Variants in SCAMP4 observed in about 807,000 individuals in gnomAD.
SCAMP4 encodes the protein secretory carrier-associated membrane protein 4.
SCAMP4 carries 19 observed loss-of-function variants against 32.1 expected under a neutral mutation model. The ratio of observed to expected loss-of-function variants is 0.59; its 90% confidence interval spans 0.41 to 0.87. SCAMP4 has a LOEUF of 0.87. SCAMP4 is among the 40% of genes least tolerant of loss of function. SCAMP4 has a pLI of 0.00. For synonymous variants in SCAMP4, 152 were observed against 132.7 expected (o/e 1.15, Z -1.00); for missense variants, 302 against 309.0 (o/e 0.98, Z 0.17).
chr19:1,915,344 A>T, intron 2 of SCAMP4: 1 of 453,246 alleles, frequency 2.2e-6, no homozygotes, highest in Non-Finnish European at 4.0e-6. Flanking sequence ...TCCCTCACCC[A>T]CTCATTTACT....
chr19:1,917,427 C>T (rs2145449856), intron 2 of SCAMP4, among the ~76,000 whole-genome samples: 1 of 152,294 alleles, frequency 6.6e-6, no homozygotes, highest in East Asian at 1.9e-4. Context: ...CGTCTAGAGG[C>T]GCCCCCATCC....
intron 1 of SCAMP4, among the ~76,000 whole-genome samples, chr19:1,913,847 G>C (rs976217591): frequency 4.6e-5 from 7 of 152,208 alleles, no homozygotes; most frequent in Non-Finnish European, 7.4e-5. Context: ...AGTGTCCATT[G>C]CCTGACCATG....
rs1396672399 is a variant in SCAMP4, at chr19:1,908,427, CGAG to C, written c.-42+2992_-42+2994del. 1.3e-5 allele frequency: 6 copies of C among 462,850 alleles called. No homozygotes were observed. Among genetic ancestry groups the C allele is most frequent in the Admixed American group, 1.2e-4 (5 of 42,100 alleles). 28.7% of individuals were successfully genotyped at this position (462,850 alleles called of 1,614,324 possible). A position where few individuals can be genotyped will look rare whatever the true frequency, so the allele number is the denominator to read the frequency against. The stretch of plus-strand genomic sequence containing the variant: ...GAGGCGTGGACCAGGCAGTGCATGT[CGAG>C]GAGTAGCACCCACAGCTGCGCGGCT... On this transcript the variant is annotated intron_variant, in intron 1 of 6. Coordinates refer to ENST00000316097, the MANE Select transcript of SCAMP4 (RefSeq NM_079834.4). The surrounding 1 kb of genome is among the most constrained non-coding windows in gnomAD (Gnocchi z 4.2).
chr19:1,911,927 G>T, intron 1 of SCAMP4: 1 of 1,286,810 alleles, frequency 7.8e-7, no homozygotes, highest in South Asian at 1.7e-5. Flanking sequence ...CTCTGATGCG[G>T]TGACCTGGGC....
intron 1 of SCAMP4, among the ~76,000 whole-genome samples, chr19:1,910,588 T>C (rs2145431415): frequency 6.7e-6 from 1 of 149,652 alleles, no homozygotes; most frequent in East Asian, 1.9e-4. Context: ...TTTTTTTTTT[T>C]TTTTTTTGAG....
In SCAMP4 at chr19:1,912,548, C is replaced by T. The variant is rs1038237596; in HGVS notation, c.-41-2431C>T. On this transcript the variant is annotated intron_variant, in intron 1 of 6. Transcript: ENST00000316097. ...GGGCCCACTGGCCCACGTCCTTCCA[C>T]GAGGACAAGCAGGTGACCAGCGCCC... The T allele has an allele frequency of 6.0e-6, 9 of 1,500,478 alleles. No homozygotes were observed. The Admixed American group carries it at 1.3e-4, about 21-fold the overall frequency. 92.9% of individuals were successfully genotyped at this position (1,500,478 alleles called of 1,614,324 possible).
At chr19:1,919,947 C>A (rs963799099) in intron 5 of SCAMP4, 1 of 157,080 alleles carries the variant, frequency 6.4e-6, no homozygotes, top group Admixed American at 6.6e-5. Flanking sequence ...GTAGCTGGGA[C>A]TACAGGTGTG....
At chr19:1,917,406 G>A (rs1022442807) in intron 2 of SCAMP4, among the ~76,000 whole-genome samples, 10 of 152,208 alleles carry the variant, frequency 6.6e-5, no homozygotes, top group African/African-American at 2.2e-4. Context: ...GCCGGTTCCC[G>A]CCTTGCCCAG....
At position 1,905,456 on chromosome 19, in the gene SCAMP4, G is replaced by A; in HGVS notation, c.-42+17G>A. 2.2e-6 allele frequency: 1 copy of A among 458,756 alleles called. No homozygotes were observed. Among genetic ancestry groups the A allele is most frequent in the Non-Finnish European group, 4.5e-6 (1 of 221,142 alleles). The allele number at this position is 458,756 out of a possible 1,614,324, so 28.4% of individuals were successfully genotyped here. On this transcript the variant is annotated intron_variant, in intron 1 of 6. Coordinates refer to ENST00000316097, the MANE Select transcript of SCAMP4 (RefSeq NM_079834.4). ...ATCCCTCAGGTAAGCGCGCGGCCCCGAGGTCTCGGGTTCTCCAGGCTCAGA... is the reference window on the plus strand; with the variant it reads ...ATCCCTCAGGTAAGCGCGCGGCCCCAAGGTCTCGGGTTCTCCAGGCTCAGA...
chr19:1,915,857 A>G (rs1422815115), intron 2 of SCAMP4, among the ~76,000 whole-genome samples: 3 of 151,332 alleles, frequency 2.0e-5, no homozygotes. Flanking sequence ...GAGGCAGGAG[A>G]ATGGTGTGAA....
At chr19:1,920,376 C>T (rs1207905763) in intron 5 of SCAMP4, 42 of 901,498 alleles carry the variant, frequency 4.7e-5, no homozygotes, top group Non-Finnish European at 3.7e-5. Context: ...AGATAAGGTC[C>T]CAGGTTTCCT....
intron 1 of SCAMP4, among the ~76,000 whole-genome samples, chr19:1,911,023 G>C (rs1438770623): frequency 6.6e-6 from 1 of 152,068 alleles, no homozygotes; most frequent in Admixed American, 6.6e-5. Context: ...CTACAGGTGC[G>C]TGCCACCAGG....
intron 1 of SCAMP4, among the ~76,000 whole-genome samples, chr19:1,909,566 A>C (rs200400869): frequency 6.8e-6 from 1 of 147,322 alleles, no homozygotes; most frequent in Non-Finnish European, 1.5e-5. Context: ...AGTGGCTGGG[A>C]TGTCTTCACC....
chr19:1,905,818 A>C (rs1200476389), intron 1 of SCAMP4: 1 of 152,312 alleles, frequency 6.6e-6, no homozygotes, highest in Non-Finnish European at 1.5e-5. Flanking sequence ...CGCTCTCGCG[A>C]GTTTCCGTAG....
chr19:1,908,814 G>A lies in SCAMP4; in HGVS notation c.-42+3375G>A, dbSNP rs2013279168. Among the ~76,000 whole-genome samples the A allele has an allele frequency of 6.6e-6, 1 of 152,048 alleles. No individual in the cohort carries two copies. Among genetic ancestry groups the A allele is most frequent in the South Asian group, 2.1e-4 (1 of 4,822 alleles). On this transcript the variant is annotated intron_variant, in intron 1 of 6. Transcript: ENST00000316097. The surrounding 1 kb of genome is among the most constrained non-coding windows in gnomAD (Gnocchi z 4.2). ...GTGCCCAACTAATTTATACTTTTAA[G>A]CAATGTGGGCTGGGCACGGTGGCTC...
At chr19:1,920,393 G>A in intron 5 of SCAMP4, 1 of 790,914 alleles carries the variant, frequency 1.3e-6, no homozygotes, top group Non-Finnish European at 1.5e-6. Flanking sequence ...TCCTGGGATG[G>A]TGACTCCTCT....
chr19:1,922,866 G>A (rs1009801236), intron 5 of SCAMP4: 2 of 1,301,426 alleles, frequency 1.5e-6, no homozygotes, highest in African/African-American at 3.1e-5. Flanking sequence ...CTGCGATGGT[G>A]GAGGGATAAG....
intron 2 of SCAMP4, among the ~76,000 whole-genome samples, chr19:1,916,428 C>T (rs8109279): frequency 0.17 from 26,585 of 151,962 alleles, 2,725 homozygotes; most frequent in East Asian, 0.26. Flanking sequence ...AGATTTCTGG[C>T]CTCCAGGACT....
At chr19:1,911,534 C>T (rs1040044988) in intron 1 of SCAMP4, among the ~76,000 whole-genome samples, 1 of 152,132 alleles carries the variant, frequency 6.6e-6, no homozygotes, top group African/African-American at 2.4e-5. Context: ...ACCTGTAATC[C>T]CACCACCAGG....
Sources: allele counts gnomAD v4.1 joint callset (sites outside exome capture counted in the v4.1 genomes callset), GRCh38; gene constraint gnomAD v4.1.1; non-coding constraint Gnocchi (gnomAD v3.1); transcripts MANE v1.5; gene names NCBI Gene and HGNC (gene_info 2026-07-23, HGNC 2026-07-21).